SENP3: variants seen among roughly 807,000 people sequenced by gnomAD.
The protein encoded by SENP3 is sentrin-specific protease 3.
SENP3 carries 11 observed loss-of-function variants against 66.2 expected under a neutral mutation model. The observed-to-expected ratio is 0.17, with a 90% CI of 0.10 to 0.28. The LOEUF (loss-of-function observed/expected upper bound fraction) is 0.28. SENP3 is among the 10% of genes least tolerant of loss of function. The pLI is 1.00. For synonymous variants in SENP3, 292 were observed against 277.6 expected, an observed-to-expected ratio of 1.05 and a Z score of -0.52; for missense variants, 548 against 743.7, an observed-to-expected ratio of 0.74 and a Z score of 3.06.
chr17:7,562,183 C>T lies in SENP3; in HGVS notation c.-92C>T, dbSNP rs1268341724. The T allele has an allele frequency of 5.0e-6, 2 of 398,394 alleles. No homozygotes were observed. The highest frequency in any genetic ancestry group is 3.6e-5 in the East Asian group (1 of 28,044). The allele number at this position is 398,394 out of a possible 1,614,324, so 24.7% of individuals were successfully genotyped here. A position where few individuals can be genotyped will look rare whatever the true frequency, so the allele number is the denominator to read the frequency against. ...ACAGCAGGAGTGGCGGGGCCGCCGC[C>T]GTCGCCGGAGAGATGAGCCGGGAAG... On this transcript the variant is annotated 5_prime_UTR_variant, in exon 1 of 11. Transcript: ENST00000321337. The surrounding 1 kb of genome is among the most constrained non-coding windows in gnomAD (Gnocchi z 5.0).
chr17:7,569,707 C>T (rs1374389141), intron 7 of SENP3, among the ~76,000 whole-genome samples: 1 of 152,130 alleles, frequency 6.6e-6, no homozygotes, highest in African/African-American at 2.4e-5. Flanking sequence ...AACATGTTGG[C>T]CTTCTTCATA....
rs1450781899 is a variant in SENP3, at chr17:7,571,699, C to T, written c.*216C>T. 2 of 451,462 alleles carry T rather than the reference C, an allele frequency of 4.4e-6. No homozygotes were observed. Among genetic ancestry groups the T allele is most frequent in the African/African-American group, 4.1e-5 (2 of 48,196 alleles). The allele number at this position is 451,462 out of a possible 1,614,324, so 28.0% of individuals were successfully genotyped here. A position where few individuals can be genotyped will look rare whatever the true frequency, so the allele number is the denominator to read the frequency against. On this transcript the variant is annotated 3_prime_UTR_variant, in exon 11 of 11. Coordinates refer to ENST00000321337, the MANE Select transcript of SENP3 (RefSeq NM_015670.6). ...GTGGCTACAGAAAAGCCCCTTTCTT[C>T]CTCTGTTTGCAGGGGAGTGTGGCCC...
Position 7,565,085 on chromosome 17 carries a change from C to T in SENP3, c.1067+15C>T. The T allele has an allele frequency of 6.4e-7, 1 of 1,573,646 alleles. No individual in the cohort carries two copies. The highest frequency in any genetic ancestry group is 8.7e-7 in the Non-Finnish European group (1 of 1,144,744). On this transcript the variant is annotated intron_variant, in intron 4 of 10. Transcript: ENST00000321337. ...ACCCCTTCCAGGTGAGGCTTGAAAG[C>T]CCTCCTTGAAAGAAGGGCTGGGGCC...
Position 7,563,337 on chromosome 17 carries a change from AGAT to A in SENP3, c.264_266del (p.Asp88del). 1 of 1,552,504 alleles carries A rather than the reference AGAT, an allele frequency of 6.4e-7. No homozygotes were observed. The highest frequency in any genetic ancestry group is 1.4e-5 in the African/African-American group (1 of 73,184). ...AAGAAGAGGAGGAGGAGGAGGATGA[AGAT>A]GAAGAGGAGGAAGTGGCAGCTTGGA... On this transcript the variant is annotated inframe_deletion, in exon 2 of 11. Coordinates refer to ENST00000321337, the MANE Select transcript of SENP3 (RefSeq NM_015670.6).
intron 10 of SENP3, 111 bp from the exon 11 acceptor site, chr17:7,571,262 C>G: frequency 1.3e-6 from 1 of 793,904 alleles, no homozygotes; most frequent in South Asian, 1.7e-5. Flanking sequence ...CTGTGGGACC[C>G]TGGCTCCCTT....
intron 7 of SENP3, among the ~76,000 whole-genome samples, chr17:7,568,576 G>A (rs1372400175): frequency 6.6e-6 from 1 of 151,956 alleles, no homozygotes; most frequent in Non-Finnish European, 1.5e-5. Flanking sequence ...GTGACAGAGT[G>A]AAACTCTGTC....
Position 7,562,000 on chromosome 17 carries a change from G to A in SENP3, c.-275G>A, listed in dbSNP as rs1200490273. 7.5e-6 allele frequency: 3 copies of A among 399,802 alleles called. No homozygotes were observed. Among genetic ancestry groups the A allele is most frequent in the Non-Finnish European group, 1.3e-5 (3 of 227,176 alleles). 24.8% of individuals were successfully genotyped at this position (399,802 alleles called of 1,614,324 possible). A position where few individuals can be genotyped will look rare whatever the true frequency, so the allele number is the denominator to read the frequency against. On this transcript the variant is annotated 5_prime_UTR_variant, in exon 1 of 11. Coordinates refer to ENST00000321337, the MANE Select transcript of SENP3 (RefSeq NM_015670.6). This position sits in a 1 kb window ranked among gnomAD's most constrained non-coding sequence, Gnocchi z 4.4. ...AAGGAGGAGGGGGGGAGGAGTGGCGGCGGCGGCGGTGGCGCTGGTGGCGGC... is the reference window on the plus strand; with the variant it reads ...AAGGAGGAGGGGGGGAGGAGTGGCGACGGCGGCGGTGGCGCTGGTGGCGGC...
intron 7 of SENP3, 127 bp downstream of exon 7, chr17:7,567,131 T>C: frequency 1.4e-6 from 1 of 730,310 alleles, no homozygotes; most frequent in Non-Finnish European, 2.4e-6. Context: ...CTCTTGTGTG[T>C]GTAGGCACTA....
intron 6 of SENP3, 158 bp downstream of exon 6, chr17:7,565,922 G>A (rs1285826136): frequency 6.3e-6 from 4 of 637,568 alleles, no homozygotes; most frequent in Non-Finnish European, 1.1e-5. Context: ...CGTAATCTTG[G>A]GCTCTGGATT....
intron 7 of SENP3, among the ~76,000 whole-genome samples, chr17:7,568,963 G>A (rs1330158637): frequency 3.3e-5 from 5 of 152,168 alleles, no homozygotes. Context: ...ATTGAATTGG[G>A]GGATACCCAG....
rs1567731543 is a variant in SENP3, at chr17:7,571,902, TATATATAA to T, written c.*421_*428del. On this transcript the variant is annotated 3_prime_UTR_variant, in exon 11 of 11. Transcript: ENST00000321337. ...ATATATATATATATATATATATATA[TATATATAA>T]AAATATATAAATGCCACGGTCCTGC... is the stretch of plus-strand genomic sequence containing the variant. 68 of 13,402 alleles carry T rather than the reference TATATATAA, an allele frequency of 5.1e-3. 12 individuals carry two copies. The highest frequency in any genetic ancestry group is 7.8e-3 in the Non-Finnish European group (45 of 5,770). The allele number at this position is 13,402 out of a possible 1,614,324, so 0.8% of individuals were successfully genotyped here.
intron 7 of SENP3, among the ~76,000 whole-genome samples, chr17:7,568,267 T>G (rs1567729750): frequency 6.6e-6 from 1 of 151,830 alleles, no homozygotes; most frequent in Non-Finnish European, 1.5e-5. Context: ...TGAGGATCAG[T>G]GATTTAATCA....
rs1168633643 is a variant in SENP3 at position 7,568,595 on chromosome 17, GAAA to G, written c.1341+1598_1341+1600del. 3.3e-5 allele frequency among the ~76,000 whole-genome samples: 5 copies of G among 150,548 alleles called. No homozygotes were observed. The East Asian group carries it at 9.7e-4, about 29-fold the overall frequency. The stretch of plus-strand genomic sequence containing the variant: ...CAGAGTGAAACTCTGTCTCAAAAAA[GAAA>G]AAAAAACCCGAGAGGAGGAGTTTGG... On this transcript the variant is annotated intron_variant, in intron 7 of 10. Coordinates refer to ENST00000321337, the MANE Select transcript of SENP3 (RefSeq NM_015670.6).
At chr17:7,566,886 G>T in intron 6 of SENP3, 41 bp from the exon 7 acceptor site, 1 of 1,380,798 alleles carries the variant, frequency 7.2e-7, no homozygotes, top group South Asian at 1.2e-5. Context: ...AGAGTCTGAG[G>T]TCTTTTAATT....
intron 4 of SENP3, 136 bp from the exon 5 acceptor site, chr17:7,565,304 C>T (rs1304193443): frequency 2.9e-6 from 3 of 1,051,052 alleles, no homozygotes; most frequent in Admixed American, 2.3e-5. Context: ...GTGGGCCTTT[C>T]GCAGGTCCTC....
chr17:7,566,862 G>C, intron 6 of SENP3, 65 bp from the exon 7 acceptor site: 1 of 1,161,586 alleles, frequency 8.6e-7, no homozygotes. Context: ...ACTGAGGAGG[G>C]GAGACTTAGT....
At chr17:7,567,695 G>A (rs2071278787) in intron 7 of SENP3, among the ~76,000 whole-genome samples, 2 of 152,138 alleles carry the variant, frequency 1.3e-5, no homozygotes, top group Admixed American at 6.6e-5. Context: ...GAGGAACAGA[G>A]GGCTTGTGGG....
chr17:7,568,853 AAAC>A (rs995084956), intron 7 of SENP3, among the ~76,000 whole-genome samples: 2 of 152,216 alleles, frequency 1.3e-5, no homozygotes, highest in African/African-American at 4.8e-5. Context: ...AACACAGATA[AAAC>A]AACCTGGGGC....
Position 7,565,361 on chromosome 17 carries a change from G to A in SENP3, c.1068-79G>A, listed in dbSNP as rs2071259425. 1.2e-5 allele frequency: 18 copies of A among 1,528,024 alleles called. No homozygotes were observed. The South Asian group carries it at 1.8e-4, about 15-fold the overall frequency. The allele number at this position is 1,528,024 out of a possible 1,614,324, so 94.7% of individuals were successfully genotyped here. A position where few individuals can be genotyped will look rare whatever the true frequency, so the allele number is the denominator to read the frequency against. On this transcript the variant is annotated intron_variant, in intron 4 of 10. Coordinates refer to ENST00000321337, the MANE Select transcript of SENP3 (RefSeq NM_015670.6). ...GAAAAAAGGGAGTCAGTTAGAATTTGTATTCCAGGGAGTAGTAGGTATTTC... is the reference window on the plus strand; with the variant it reads ...GAAAAAAGGGAGTCAGTTAGAATTTATATTCCAGGGAGTAGTAGGTATTTC...
Sources: allele counts gnomAD v4.1 joint callset (sites outside exome capture counted in the v4.1 genomes callset), GRCh38; gene constraint gnomAD v4.1.1; non-coding constraint Gnocchi (gnomAD v3.1); transcripts MANE v1.5; gene names NCBI Gene and HGNC (gene_info 2026-07-23, HGNC 2026-07-21).